TRIP12: variants seen among roughly 807,000 people sequenced by gnomAD.
TRIP12 encodes E3 ubiquitin-protein ligase TRIP12.
In TRIP12, 25 loss-of-function variants were observed where a neutral mutation model predicts 244.2. The ratio of observed to expected loss-of-function variants is 0.10; its 90% CI spans 0.07 to 0.14. TRIP12 has a LOEUF of 0.14. Among genes scored for constraint, TRIP12 ranks in the 10% least tolerant of loss-of-function variants. The probability of loss-of-function intolerance (pLI) is 1.00; values close to 1 mark genes in which losing one functional copy is unlikely to be tolerated. For synonymous variants in TRIP12, 905 were observed against 873.1 expected, an observed-to-expected ratio of 1.04 and a Z score of -0.64; for missense variants, 1,677 against 2,486.4, an observed-to-expected ratio of 0.67 and a Z score of 6.92.
At chr2:229,858,727 A>G in intron 4 of TRIP12, 45 bp downstream of exon 4, 1 of 1,498,300 alleles carries the variant, frequency 6.7e-7, no homozygotes, top group South Asian at 1.3e-5. Flanking sequence ...ACAAACCAAG[A>G]GAAACTTTCT....
At chr2:229,810,719 T>C (rs537836804) in intron 15 of TRIP12, among the ~76,000 whole-genome samples, 161 bp downstream of exon 15, 2 of 152,346 alleles carry the variant, frequency 1.3e-5, no homozygotes, top group South Asian at 2.1e-4. Flanking sequence ...AACATTAACA[T>C]ACTGTCCCAA....
In TRIP12 at chr2:229,859,516, T is replaced by C. The variant is rs1229140883; in HGVS notation, c.283A>G (p.Asn95Asp). The change falls in exon 4 of 42, where the codon AAT becomes GAT. Residue 95 changes from asparagine (N) to aspartate (D), a missense_variant. By Grantham distance (23) the Asn-to-Asp change is conservative (BLOSUM62 1). Coordinates refer to ENST00000675903, the MANE Select transcript of TRIP12 (RefSeq NM_001348323.3). ...VPQPEDPDRA[N>D]TSERQKTGQV... ...CCCGTTTTTTGTCTTTCTGAAGTAT[T>C]GGCTCTGTCTGGATCCTCTGGTTGT... 1 of 1,614,090 alleles carries C rather than the reference T, an allele frequency of 6.2e-7. No homozygotes were observed. The highest frequency in any genetic ancestry group is 8.5e-7 in the Non-Finnish European group (1 of 1,180,050).
chr2:229,897,366 G>A (rs950553129), intron 1 of TRIP12, among the ~76,000 whole-genome samples: 5 of 152,082 alleles, frequency 3.3e-5, no homozygotes, highest in Admixed American at 3.3e-4. Context: ...ATAAATAAGG[G>A]GCCAGGTGCA....
chr2:229,823,274 C>T (rs1375715456), intron 8 of TRIP12, among the ~76,000 whole-genome samples: 1 of 152,170 alleles, frequency 6.6e-6, no homozygotes, highest in Non-Finnish European at 1.5e-5. Flanking sequence ...ATCACTTAAA[C>T]CCTATATAGT....
chr2:229,837,971 C>T (rs1575736576), intron 5 of TRIP12, among the ~76,000 whole-genome samples: 1 of 152,144 alleles, frequency 6.6e-6, no homozygotes, highest in Non-Finnish European at 1.5e-5. Flanking sequence ...AGCAAAAATA[C>T]TTCCCCCAAA....
At chr2:229,855,948 G>C (rs917839011) in intron 4 of TRIP12, among the ~76,000 whole-genome samples, 9 of 151,596 alleles carry the variant, frequency 5.9e-5, no homozygotes, top group Admixed American at 1.3e-4. Context: ...TGAGGCACGA[G>C]AATTGCCCGA....
In TRIP12 at chr2:229,858,969, C is replaced by G; in HGVS notation, c.830G>C (p.Arg277Pro). The change falls in exon 4 of 42, where the codon CGT becomes CCT. Residue 277 changes from arginine (R) to proline (P), a missense_variant. Coordinates refer to ENST00000675903, the MANE Select transcript of TRIP12 (RefSeq NM_001348323.3). ...GKDQNKARRS[R>P]SASSPSPRRS... ...TCTGGGGCTGGGACTGGACGCTGAA[C>G]GGGAACGCCTGGCCTTGTTCTGATC... The G allele has an allele frequency of 6.2e-7, 1 of 1,614,194 alleles. No homozygotes were observed. The highest frequency in any genetic ancestry group is 8.5e-7 in the Non-Finnish European group (1 of 1,180,028).
intron 4 of TRIP12, among the ~76,000 whole-genome samples, chr2:229,842,499 TTG>T (rs2056667276): frequency 2.6e-5 from 4 of 152,210 alleles, no homozygotes; most frequent in Admixed American, 2.0e-4. Context: ...TCTATTGGAT[TTG>T]TGTGACTAAG....
chr2:229,836,770 T>C (rs2054929881), intron 6 of TRIP12, 78 bp downstream of exon 6: 2 of 1,476,408 alleles, frequency 1.4e-6, no homozygotes, highest in Non-Finnish European at 9.0e-7. Context: ...TAGTAACACC[T>C]AGCATACTTC....
chr2:229,903,205 A>G (rs1282632136), intron 1 of TRIP12, among the ~76,000 whole-genome samples: 1 of 151,970 alleles, frequency 6.6e-6, no homozygotes, highest in Non-Finnish European at 1.5e-5. Context: ...CTTGACAGCC[A>G]TTCAGTAACC....
chr2:229,864,663 T>C (rs1314742420), intron 2 of TRIP12, among the ~76,000 whole-genome samples: 1 of 152,140 alleles, frequency 6.6e-6, no homozygotes, highest in Non-Finnish European at 1.5e-5. Context: ...ATTAGCACTG[T>C]GGGAAAAACT....
intron 30 of TRIP12, among the ~76,000 whole-genome samples, chr2:229,790,509 G>A (rs952845797): frequency 2.0e-5 from 3 of 147,560 alleles, no homozygotes; most frequent in South Asian, 2.2e-4. Context: ...GAAAATTACT[G>A]TGGTGGCGGC....
chr2:229,914,607 T>A (rs552684658), intron 1 of TRIP12, among the ~76,000 whole-genome samples: 1 of 152,202 alleles, frequency 6.6e-6, no homozygotes, highest in East Asian at 1.9e-4. Context: ...TTTACCAGTA[T>A]AAAATCTTTA....
At chr2:229,784,110 C>CA (rs776291512) in intron 34 of TRIP12, among the ~76,000 whole-genome samples, 6,849 of 54,824 alleles carry the variant, frequency 0.12, 624 homozygotes, top group African/African-American at 0.33. Context: ...AACTCCGTCT[C>CA]AAAAAAAAAA....
chr2:229,865,346 A>AAAAC, intron 2 of TRIP12, among the ~76,000 whole-genome samples: 1 of 33,664 alleles, frequency 3.0e-5, no homozygotes, highest in South Asian at 1.5e-3. Flanking sequence ...AAAAAAAAGA[A>AAAAC]AGAAAGAAAG....
In TRIP12 at chr2:229,859,122, G is replaced by A; in HGVS notation, c.677C>T (p.Thr226Ile). ...KPTKLASKSA[T>I]SAKAGCSTIT... Reference sequence around the variant, plus strand: ...GGTGCTACACCCAGCTTTGGCTGAGGTGGCTGATTTTGAAGCCAGCTTGGT... The same window carrying A: ...GGTGCTACACCCAGCTTTGGCTGAGATGGCTGATTTTGAAGCCAGCTTGGT... Residue 226 changes from threonine to isoleucine, a missense_variant, in exon 4 of 42, where the codon ACC (threonine) becomes ATC (isoleucine). Around this residue, in one of 11 missense-constraint regions of TRIP12, gnomAD observed 387 missense variants for 392.6 expected, o/e 0.99. Transcript: ENST00000675903. 2 of 1,614,216 alleles carry A rather than the reference G, an allele frequency of 1.2e-6. No individual in the cohort carries two copies. Among genetic ancestry groups the A allele is most frequent in the South Asian group, 1.1e-5 (1 of 91,086 alleles).
At chr2:229,880,931 G>A (rs976341183) in intron 1 of TRIP12, among the ~76,000 whole-genome samples, 11 of 152,156 alleles carry the variant, frequency 7.2e-5, no homozygotes, top group African/African-American at 2.4e-4. Context: ...GCAACAGAGT[G>A]AGACTCCACC....
chr2:229,805,909 G>A, intron 17 of TRIP12, 26 bp from the exon 18 acceptor site: 1 of 1,495,490 alleles, frequency 6.7e-7, no homozygotes, highest in Non-Finnish European at 9.1e-7. Flanking sequence ...GAGAAACTTT[G>A]AATATAAACA....
At chr2:229,821,550 A>G (rs2050061614) in intron 8 of TRIP12, among the ~76,000 whole-genome samples, 1 of 152,224 alleles carries the variant, frequency 6.6e-6, no homozygotes, top group South Asian at 2.1e-4. Flanking sequence ...ACAAATGAAC[A>G]TGACTGTATA....
Sources: allele counts gnomAD v4.1 joint callset (sites outside exome capture counted in the v4.1 genomes callset), GRCh38; gene constraint gnomAD v4.1.1; regional missense constraint gnomAD v4.1.1; transcripts MANE v1.5; gene names NCBI Gene and HGNC (gene_info 2026-07-23, HGNC 2026-07-21).